The following ATP2C1 variants were observed in gnomAD, a reference collection of about 807,000 sequenced individuals.
ATP2C1 encodes the protein ATPase secretory pathway Ca2+ transporting 1, also known as calcium-transporting ATPase type 2C member 1.
A neutral mutation model predicts 120.5 loss-of-function variants in ATP2C1; 31 were observed. That is an observed-to-expected ratio of 0.26 (90% CI 0.19 to 0.35). ATP2C1 has a LOEUF of 0.35. Ranked by LOEUF, ATP2C1 falls within the 10% of genes least tolerant of loss-of-function variation. ATP2C1 has a pLI of 1.00. For missense variants in ATP2C1, 731 were observed against 1,107.5 expected (o/e 0.66, Z 4.83); for synonymous variants, 351 against 358.7 (o/e 0.98, Z 0.24).
At chr3:130,941,542 G>T (rs765430760) in intron 7 of ATP2C1, 49 bp from the exon 8 acceptor site, 4 of 1,451,760 alleles carry the variant, frequency 2.8e-6, no homozygotes, top group Non-Finnish European at 3.9e-6. Context: ...AAGACAAGTT[G>T]CATGAATTTT....
At position 130,959,330 on chromosome 3, in the gene ATP2C1, T is replaced by A. The variant is rs749141665; in HGVS notation, c.888T>A (p.Thr296=). The change falls in exon 12 of 28, where the codon ACT becomes ACA. Residue 296 remains threonine (T), a synonymous_variant. Coordinates refer to ENST00000510168, the MANE Select transcript of ATP2C1 (RefSeq NM_001378687.1). ...GAAAAGATATCCTGGAAATGTTTAC[T>A]ATTAGTGTAAGGTAAGTCTCAATAC... The part of the protein sequence containing the change: ...LLGKDILEMF[T]ISVSLAVAAI... 4 of 1,605,956 alleles carry A rather than the reference T, an allele frequency of 2.5e-6. No individual in the cohort carries two copies. The highest frequency in any genetic ancestry group is 3.4e-6 in the Non-Finnish European group (4 of 1,173,224).
At chr3:130,893,740 G>T (rs1015172733), upstream of ATP2C1, among the ~76,000 whole-genome samples, 7 of 152,182 alleles carry the variant, frequency 4.6e-5, no homozygotes, top group Non-Finnish European at 1.0e-4. Context: ...GGCCGACACG[G>T]GGCGTGGGCG....
rs1313134695 is a variant in ATP2C1 at position 131,003,039 on chromosome 3, C to T, written c.*1689C>T. The stretch of plus-strand genomic sequence containing the variant: ...AGACTTGAAATACGTATTAAATGCA[C>T]GTTAATGTTTTGCTTTGCATTTTAG... On this transcript the variant is annotated 3_prime_UTR_variant, in exon 28 of 28. Transcript: ENST00000510168. 19 of 985,570 alleles carry T rather than the reference C, an allele frequency of 1.9e-5. No homozygotes were observed. The highest frequency in any genetic ancestry group is 5.2e-4 in the Middle Eastern group (1 of 1,914). 61.1% of individuals were successfully genotyped at this position (985,570 alleles called of 1,614,324 possible).
intron 11 of ATP2C1, among the ~76,000 whole-genome samples, chr3:130,956,452 T>G (rs1278885441): frequency 6.6e-6 from 1 of 152,142 alleles, no homozygotes; most frequent in Non-Finnish European, 1.5e-5. Flanking sequence ...TATGGACTGC[T>G]TTTCTATTTT....
chr3:130,943,406 G>A (rs1032790794), intron 8 of ATP2C1, among the ~76,000 whole-genome samples: 10 of 152,020 alleles, frequency 6.6e-5, no homozygotes, highest in Non-Finnish European at 1.0e-4. Context: ...TAGTAGAGAC[G>A]GGGTTTGGCT....
downstream of ATP2C1, among the ~76,000 whole-genome samples, chr3:131,006,072 T>TCA (rs1219492269): frequency 6.6e-6 from 1 of 152,212 alleles, no homozygotes; most frequent in East Asian, 1.9e-4. Context: ...TTACTCTGAA[T>TCA]GAGTAATTAT....
At chr3:130,872,266 T>C (rs1036853554) in intron 1 of ATP2C1, among the ~76,000 whole-genome samples, 2 of 152,282 alleles carry the variant, frequency 1.3e-5, no homozygotes, top group African/African-American at 4.8e-5. Context: ...CCTCATTTTT[T>C]CCCTAGCCCT....
chr3:130,881,190 G>C (rs976094022), intron 1 of ATP2C1, among the ~76,000 whole-genome samples: 5 of 152,174 alleles, frequency 3.3e-5, no homozygotes, highest in African/African-American at 1.2e-4. Context: ...AACACAGCTA[G>C]AGGCCTGCAG....
intron 1 of ATP2C1, among the ~76,000 whole-genome samples, chr3:130,862,314 C>CATTA (rs1553743825): frequency 7.2e-6 from 1 of 138,058 alleles, no homozygotes. Flanking sequence ...TACTTATTCA[C>CATTA]TTTATTTATT....
chr3:131,006,689 CTTT>C (rs1167746798), downstream of ATP2C1, among the ~76,000 whole-genome samples: 3 of 137,560 alleles, frequency 2.2e-5, no homozygotes, highest in African/African-American at 8.0e-5. Flanking sequence ...TTCTTGTACA[CTTT>C]TTTTTTTTTT....
In ATP2C1 at chr3:130,934,706, A is replaced by T; in HGVS notation, c.319A>T (p.Thr107Ser). 5.0e-6 allele frequency: 8 copies of T among 1,602,514 alleles called. No individual in the cohort carries two copies. The highest frequency in any genetic ancestry group is 6.8e-6 in the Non-Finnish European group (8 of 1,169,634). Residue 107 changes from threonine to serine, a missense_variant, in exon 5 of 28, where the codon ACT (threonine) becomes TCT (serine). Around this residue, in one of 3 missense-constraint regions of ATP2C1, gnomAD observed 571 missense variants for 845.9 expected, o/e 0.67. Transcript: ENST00000510168. ...TCAGTTTGATGATGCCGTCAGTATC[A>T]CTGTGGTAAGAAAAAAATTACATAT... Reference protein sequence around the residue: ...MHQFDDAVSITVAILIVVTVA... With the variant: ...MHQFDDAVSISVAILIVVTVA...
chr3:130,945,151 A>G (rs150845735), intron 8 of ATP2C1, among the ~76,000 whole-genome samples: 47 of 152,250 alleles, frequency 3.1e-4, no homozygotes, highest in African/African-American at 1.0e-3. Context: ...GAGCTAGGAC[A>G]GTAAAACTTA....
intron 12 of ATP2C1, chr3:130,963,760 C>T (rs1351630566): frequency 1.8e-6 from 1 of 541,592 alleles, no homozygotes; most frequent in African/African-American, 1.9e-5. Flanking sequence ...AATTTGATGT[C>T]AGAACCTACA....
intron 10 of ATP2C1, among the ~76,000 whole-genome samples, chr3:130,955,390 G>A (rs938759672): frequency 6.6e-6 from 1 of 152,140 alleles, no homozygotes; most frequent in Admixed American, 6.6e-5. Flanking sequence ...TTAGTAATTA[G>A]TATATTTGTA....
At chr3:130,865,910 T>G (rs2760257) in intron 1 of ATP2C1, among the ~76,000 whole-genome samples, 29,238 of 152,198 alleles carry the variant, frequency 0.19, 2,990 homozygotes, top group Middle Eastern at 0.26. Flanking sequence ...TATGTTGATT[T>G]AAAAATTTTT....
intron 2 of ATP2C1, among the ~76,000 whole-genome samples, chr3:130,915,796 A>G (rs2058662326): frequency 1.3e-5 from 2 of 152,246 alleles, no homozygotes; most frequent in Admixed American, 6.5e-5. Flanking sequence ...AGCATTTCAG[A>G]CAAAGGGACT....
intron 20 of ATP2C1, among the ~76,000 whole-genome samples, chr3:130,989,115 G>A (rs1181436193): frequency 6.6e-6 from 1 of 151,998 alleles, no homozygotes; most frequent in African/African-American, 2.4e-5. Flanking sequence ...GCTGGGTATG[G>A]TGGCGGGCAC....
chr3:131,006,439 A>AT (rs572972846), downstream of ATP2C1, among the ~76,000 whole-genome samples: 16 of 151,934 alleles, frequency 1.1e-4, no homozygotes, highest in Non-Finnish European at 2.4e-4. Context: ...TTTACTCGTA[A>AT]TTTTTTTGGC....
chr3:130,997,721 G>A lies in ATP2C1; in HGVS notation c.2359G>A (p.Val787Ile). ...LKILVSSIII[V>I]CGTLFVFWRE... is the part of the protein sequence containing the mutation. ...AATACTTGTTTCATCAATAATCATT[G>A]TTTGTGGGACTTTGTTTGTCTTCTG... Residue 787 changes from valine (V) to isoleucine (I), a missense_variant, in exon 25 of 28, where the codon GTT (valine) becomes ATT (isoleucine). By Grantham distance (29) the Val-to-Ile change is conservative. Coordinates refer to ENST00000510168, the MANE Select transcript of ATP2C1 (RefSeq NM_001378687.1). The A allele has an allele frequency of 6.2e-7, 1 of 1,613,636 alleles. No individual in the cohort carries two copies. Among genetic ancestry groups the A allele is most frequent in the Non-Finnish European group, 8.5e-7 (1 of 1,179,738 alleles).
Sources: gnomAD v4.1 joint callset for allele counts (sites outside exome capture counted in the v4.1 genomes callset) on GRCh38, gnomAD v4.1.1 for gene constraint, gnomAD v4.1.1 regional missense constraint, MANE v1.5 for transcripts, NCBI Gene and HGNC (gene_info 2026-07-23, HGNC 2026-07-21) for gene names.